The following ZC3H7B variants were observed in gnomAD, a reference collection of about 807,000 sequenced individuals.
ZC3H7B encodes zinc finger CCCH domain-containing protein 7B.
In ZC3H7B, 35 loss-of-function variants were observed where a neutral mutation model predicts 116.0. That is an observed-to-expected ratio of 0.30 (90% CI 0.23 to 0.40). The LOEUF (loss-of-function observed/expected upper bound fraction) is 0.40, where lower values mean the gene tolerates loss of function less well. ZC3H7B is among the 10% of genes least tolerant of loss of function. The probability of loss-of-function intolerance (pLI) is 1.00; values close to 1 mark genes in which losing one functional copy is unlikely to be tolerated. For missense variants in ZC3H7B, 1,011 were observed against 1,321.5 expected (o/e 0.77, Z 3.64); for synonymous variants, 502 against 545.6 (o/e 0.92, Z 1.11).
chr22:41,349,222 C>T lies in ZC3H7B; in HGVS notation c.1869C>T (p.Tyr623=), dbSNP rs760329277. The T allele has an allele frequency of 3.6e-4, 580 of 1,613,502 alleles. No individual in the cohort carries two copies. Among genetic ancestry groups the T allele is most frequent in the Non-Finnish European group, 4.6e-4 (542 of 1,180,012 alleles). Residue 623 remains tyrosine, a synonymous_variant, in exon 16 of 23, where the codon TAC becomes TAT. Transcript: ENST00000352645. This position sits in a 1 kb window ranked among gnomAD's most constrained non-coding sequence, Gnocchi z 4.9. ...ACGTGTGCCGCCATGAGGTGCGCTA[C>T]GGCTGCCTGCGGGAGGACAGCTGCC... ...QFDVCRHEVR[Y]GCLREDSCHF... is the part of the protein sequence containing the mutation.
rs150628065 is a variant in ZC3H7B, at chr22:41,323,272, C to T, written c.54-2292C>T. Among the ~76,000 whole-genome samples the T allele has an allele frequency of 1.8e-4, 28 of 152,284 alleles. 1 individual carries two copies. In the East Asian group the frequency reaches 4.1e-3, roughly 22 times the overall value. On this transcript the variant is annotated intron_variant, in intron 2 of 22. Coordinates refer to ENST00000352645, the MANE Select transcript of ZC3H7B (RefSeq NM_017590.6). ...TTGCTAGCTCATCTCTCTTCATGGG[C>T]GGCAGGTCCTCTCCCATTTTGGGGA...
chr22:41,315,021 T>G (rs1429082334), intron 1 of ZC3H7B, among the ~76,000 whole-genome samples: 2 of 151,650 alleles, frequency 1.3e-5, no homozygotes, highest in African/African-American at 2.4e-5. Flanking sequence ...ATATGCTTCT[T>G]GCTCCTCCAC....
chr22:41,347,958 A>G, intron 14 of ZC3H7B, 109 bp from the exon 15 acceptor site: 2 of 878,258 alleles, frequency 2.3e-6, no homozygotes, highest in Non-Finnish European at 3.8e-6. Context: ...GACCCAGGGC[A>G]GGGCTTGCAG....
intron 15 of ZC3H7B, among the ~76,000 whole-genome samples, chr22:41,348,572 C>T (rs1454611041): frequency 3.3e-5 from 5 of 152,216 alleles, no homozygotes; most frequent in African/African-American, 9.7e-5. Context: ...TGAGGGGAGG[C>T]CTGGGTCAGG....
intron 5 of ZC3H7B, among the ~76,000 whole-genome samples, chr22:41,328,924 C>T (rs532479600): frequency 3.0e-4 from 45 of 151,506 alleles, no homozygotes; most frequent in Non-Finnish European, 5.0e-4. Flanking sequence ...CAGTGGCTCA[C>T]GCCTGTAATC....
chr22:41,320,831 G>A, intron 2 of ZC3H7B, 118 bp downstream of exon 2: 2 of 1,414,074 alleles, frequency 1.4e-6, no homozygotes, highest in South Asian at 2.4e-5. Context: ...CAAGGCTCCT[G>A]TGTGCGCTGG....
chr22:41,345,906 A>C, intron 13 of ZC3H7B, 97 bp from the exon 14 acceptor site: 1 of 1,278,604 alleles, frequency 7.8e-7, no homozygotes, highest in Non-Finnish European at 1.1e-6. Context: ...TGCCTGGCTC[A>C]TGGGGCCAGA....
At chr22:41,309,597 G>T (rs967684381) in intron 1 of ZC3H7B, among the ~76,000 whole-genome samples, 2 of 152,184 alleles carry the variant, frequency 1.3e-5, no homozygotes, top group African/African-American at 4.8e-5. Flanking sequence ...TTACAGGCGT[G>T]AACCACCGCA....
chr22:41,307,996 A>G (rs1382834099), intron 1 of ZC3H7B, among the ~76,000 whole-genome samples: 1 of 152,216 alleles, frequency 6.6e-6, no homozygotes, highest in African/African-American at 2.4e-5. Context: ...ATTAATTGTC[A>G]TGACAGTCTT....
Position 41,331,018 on chromosome 22 carries a change from C to T in ZC3H7B, c.525+915C>T, listed in dbSNP as rs1055572529. Among the ~76,000 whole-genome samples, 10 of 147,986 alleles carry T rather than the reference C, an allele frequency of 6.8e-5. No homozygotes were observed. In the Middle Eastern group the frequency reaches 0.014, roughly 204 times the overall value. Reference sequence around the variant, plus strand: ...CCGAGTAGCTGGGATTACAGGCGCCCGCCACCACGCCCGGCTAATTTTTTA... The same window carrying T: ...CCGAGTAGCTGGGATTACAGGCGCCTGCCACCACGCCCGGCTAATTTTTTA... On this transcript the variant is annotated intron_variant, in intron 6 of 22. Coordinates refer to ENST00000352645, the MANE Select transcript of ZC3H7B (RefSeq NM_017590.6).
Position 41,358,568 on chromosome 22 carries a change from A to G in ZC3H7B, c.*1139A>G, listed in dbSNP as rs1355531809. On this transcript the variant is annotated 3_prime_UTR_variant, in exon 23 of 23. Transcript: ENST00000352645. ...GGCTTGACCCCGGGCACCATGGGCC[A>G]CTCCAGGATGGGACACGGCCCCTCT... 2.6e-5 allele frequency: 4 copies of G among 152,174 alleles called. No individual in the cohort carries two copies. Among genetic ancestry groups the G allele is most frequent in the East Asian group, 1.9e-4 (1 of 5,166 alleles). 9.4% of individuals were successfully genotyped at this position (152,174 alleles called of 1,614,324 possible).
Position 41,327,067 on chromosome 22 carries a change from C to G in ZC3H7B, c.286-139C>G. The G allele has an allele frequency of 8.0e-7, 1 of 1,249,200 alleles. No individual in the cohort carries two copies. The highest frequency in any genetic ancestry group is 1.5e-5 in the South Asian group (1 of 67,368). 77.4% of individuals were successfully genotyped at this position (1,249,200 alleles called of 1,614,324 possible). ...TTCCTTCTCTCCTGGAGCCTCGAGC[C>G]CTGTCCCTGACCCAAGACTTCAGCT... On this transcript the variant is annotated intron_variant, in intron 4 of 22. Transcript: ENST00000352645. The surrounding 1 kb of genome is among the most constrained non-coding windows in gnomAD (Gnocchi z 4.5).
At chr22:41,315,921 T>C (rs1410728575) in intron 1 of ZC3H7B, among the ~76,000 whole-genome samples, 1 of 152,152 alleles carries the variant, frequency 6.6e-6, no homozygotes, top group Non-Finnish European at 1.5e-5. Context: ...GTCTATAACA[T>C]TCTACCCTTC....
At chr22:41,328,902 G>C (rs1282779759) in intron 5 of ZC3H7B, among the ~76,000 whole-genome samples, 3 of 151,856 alleles carry the variant, frequency 2.0e-5, no homozygotes, top group Non-Finnish European at 2.9e-5. Flanking sequence ...AAAAGAAAGA[G>C]ATGGCCGGGC....
At chr22:41,304,317 C>T (rs1331444013) in intron 1 of ZC3H7B, among the ~76,000 whole-genome samples, 2 of 151,908 alleles carry the variant, frequency 1.3e-5, no homozygotes, top group Admixed American at 6.6e-5. Context: ...CTCTGCCTCC[C>T]GGGTTCAAGT....
intron 15 of ZC3H7B, 133 bp downstream of exon 15, chr22:41,348,300 A>T: frequency 1.4e-6 from 1 of 715,000 alleles, no homozygotes; most frequent in Non-Finnish European, 2.4e-6. Flanking sequence ...GAATTTGGGA[A>T]TCAAATCCAG....
intron 11 of ZC3H7B, 44 bp downstream of exon 11, chr22:41,341,190 G>A: frequency 6.2e-7 from 1 of 1,611,044 alleles, no homozygotes; most frequent in South Asian, 1.1e-5. Context: ...TTCCCTGCTG[G>A]GGGTTGTGGG....
intron 2 of ZC3H7B, among the ~76,000 whole-genome samples, chr22:41,321,063 G>A (rs2036250087): frequency 1.3e-5 from 2 of 152,072 alleles, no homozygotes. Context: ...TCCGTGCTGG[G>A]ACCTTCACAT....
At chr22:41,341,338 G>C (rs913580718) in intron 11 of ZC3H7B, among the ~76,000 whole-genome samples, 192 bp downstream of exon 11, 2 of 152,216 alleles carry the variant, frequency 1.3e-5, no homozygotes, top group Admixed American at 6.5e-5. Context: ...CGGGCACACA[G>C]AGGGCACCAC....
Sources: gnomAD v4.1 joint callset for allele counts (sites outside exome capture counted in the v4.1 genomes callset) on GRCh38, gnomAD v4.1.1 for gene constraint, Gnocchi (gnomAD v3.1) non-coding constraint, MANE v1.5 for transcripts, NCBI Gene and HGNC (gene_info 2026-07-23, HGNC 2026-07-21) for gene names.